OTUD7A: variants seen among roughly 807,000 people sequenced by gnomAD.
OTUD7A encodes the protein OTU deubiquitinase 7A.
Under a neutral mutation model 65.7 loss-of-function variants are expected in OTUD7A, and 12 were observed. The observed-to-expected ratio is 0.18, with a 90% CI of 0.12 to 0.30. OTUD7A has a LOEUF of 0.30. OTUD7A is among the 10% of genes least tolerant of loss of function. The probability of loss-of-function intolerance (pLI) is 1.00; values close to 1 mark genes in which losing one functional copy is unlikely to be tolerated. For synonymous variants in OTUD7A, 641 were observed against 586.3 expected, an observed-to-expected ratio of 1.09 and a Z score of -1.35; for missense variants, 1,148 against 1,304.8, an observed-to-expected ratio of 0.88 and a Z score of 1.85.
chr15:31,583,429 G>C (rs112255602), intron 3 of OTUD7A, among the ~76,000 whole-genome samples: 168 of 152,244 alleles, frequency 1.1e-3, no homozygotes, highest in African/African-American at 3.9e-3. Context: ...ATATGGTTTG[G>C]CTGTGTCCCC....
intron 1 of OTUD7A, among the ~76,000 whole-genome samples, chr15:31,660,800 G>C (rs1892140126): frequency 6.6e-6 from 1 of 152,232 alleles, no homozygotes; most frequent in Non-Finnish European, 1.5e-5. Flanking sequence ...ATTGTTGCAG[G>C]ATCATTTCAC....
chr15:31,485,246 T>G (rs902820898), intron 12 of OTUD7A, among the ~76,000 whole-genome samples: 1 of 152,148 alleles, frequency 6.6e-6, no homozygotes, highest in South Asian at 2.1e-4. Flanking sequence ...CAAAAGTGCC[T>G]CCTCTGAAAA....
At chr15:31,854,623 T>G (rs1313881989) in intron 1 of OTUD7A, among the ~76,000 whole-genome samples, 1 of 152,196 alleles carries the variant, frequency 6.6e-6, no homozygotes, top group Non-Finnish European at 1.5e-5. Flanking sequence ...ATTGTGCCTA[T>G]GCAGACAATC....
At chr15:31,663,341 T>C (rs1407561785) in intron 1 of OTUD7A, among the ~76,000 whole-genome samples, 4 of 151,864 alleles carry the variant, frequency 2.6e-5, no homozygotes, top group Non-Finnish European at 5.9e-5. Flanking sequence ...GTTTGTTACA[T>C]AGGTAAACGT....
At chr15:31,842,387 G>A (rs891746235) in intron 1 of OTUD7A, among the ~76,000 whole-genome samples, 1 of 152,234 alleles carries the variant, frequency 6.6e-6, no homozygotes, top group African/African-American at 2.4e-5. Flanking sequence ...GTGCAGCCAA[G>A]GACTAAGGGA....
chr15:31,674,595 T>G (rs1312141627), intron 1 of OTUD7A, among the ~76,000 whole-genome samples: 2 of 152,248 alleles, frequency 1.3e-5, no homozygotes, highest in East Asian at 3.9e-4. Context: ...AGGGATGAAA[T>G]GCAATTGGTA....
At chr15:31,533,691 A>G (rs545390633) in intron 5 of OTUD7A, among the ~76,000 whole-genome samples, 2 of 152,362 alleles carry the variant, frequency 1.3e-5, no homozygotes, top group Admixed American at 1.3e-4. Flanking sequence ...CAGAAAGGAA[A>G]CGATAAAAGA....
intron 3 of OTUD7A, among the ~76,000 whole-genome samples, chr15:31,620,441 CAG>C (rs900406349): frequency 4.6e-5 from 7 of 151,968 alleles, no homozygotes; most frequent in African/African-American, 1.7e-4. Context: ...GCCTCAATTT[CAG>C]AGACTGTTAT....
At chr15:31,803,178 G>A (rs528428712) in intron 1 of OTUD7A, among the ~76,000 whole-genome samples, 2 of 152,188 alleles carry the variant, frequency 1.3e-5, no homozygotes, top group Admixed American at 6.5e-5. Flanking sequence ...AGTGGCCCAG[G>A]TCACCAGGTC....
At chr15:31,613,613 T>C (rs760906762) in intron 3 of OTUD7A, among the ~76,000 whole-genome samples, 4 of 152,122 alleles carry the variant, frequency 2.6e-5, no homozygotes, top group Non-Finnish European at 4.4e-5. Flanking sequence ...ACCTTACTCC[T>C]GTAAGAATGG....
intron 1 of OTUD7A, chr15:31,766,341 T>G (rs1895093797): frequency 6.3e-7 from 1 of 1,597,320 alleles, no homozygotes; most frequent in South Asian, 1.1e-5. Context: ...AAGCTTTCTA[T>G]GATTTGGTGG....
At chr15:31,782,553 C>T (rs1228253151) in intron 1 of OTUD7A, among the ~76,000 whole-genome samples, 2 of 152,058 alleles carry the variant, frequency 1.3e-5, no homozygotes, top group East Asian at 1.9e-4. Flanking sequence ...ACAGCCACAC[C>T]CAGGGGCACG....
chr15:31,603,206 C>T (rs1890134301), intron 3 of OTUD7A, among the ~76,000 whole-genome samples: 1 of 152,174 alleles, frequency 6.6e-6, no homozygotes, highest in Admixed American at 6.5e-5. Context: ...TACAAGGCTA[C>T]AATAACCAAA....
At chr15:31,607,108 T>C (rs1890259792) in intron 3 of OTUD7A, among the ~76,000 whole-genome samples, 1 of 152,204 alleles carries the variant, frequency 6.6e-6, no homozygotes, top group African/African-American at 2.4e-5. Flanking sequence ...AATGTTAAGC[T>C]GAGAACTAGG....
chr15:31,753,532 T>G (rs1378402227), intron 1 of OTUD7A, among the ~76,000 whole-genome samples: 1 of 151,678 alleles, frequency 6.6e-6, no homozygotes, highest in African/African-American at 2.4e-5. Context: ...CTCCCACTTA[T>G]GCATGATAAC....
rs1194799175 is a variant in OTUD7A at position 31,487,985 on chromosome 15, G to A, written c.1172-419C>T. Among the ~76,000 whole-genome samples, 1 of 152,188 alleles carries A rather than the reference G, an allele frequency of 6.6e-6. No individual in the cohort carries two copies. The highest frequency in any genetic ancestry group is 1.5e-5 in the Non-Finnish European group (1 of 68,036). ...AGGGCCGAATGTGCAAGTCAGGTGA[G>A]CAAGGGTGTTGCTGACCTCTACTGG... On this transcript the variant is annotated intron_variant, in intron 10 of 12. Transcript: ENST00000307050. This position sits in a 1 kb window ranked among gnomAD's most constrained non-coding sequence, Gnocchi z 6.0.
In OTUD7A at chr15:31,487,325, A is replaced by G. The variant is rs767412942; in HGVS notation, c.1287-47T>C. ...ATTGAAATGGTCTGAGCTGGCCCTT[A>G]TAGCACCCAGTCCACTTGCATGCCA... On this transcript the variant is annotated intron_variant, in intron 11 of 12. Transcript: ENST00000307050. The surrounding 1 kb of genome is among the most constrained non-coding windows in gnomAD (Gnocchi z 6.0). The G allele has an allele frequency of 1.4e-5, 23 of 1,602,472 alleles. No homozygotes were observed. The South Asian group carries it at 1.7e-4, about 12-fold the overall frequency.
At chr15:31,616,480 A>G (rs1890590234) in intron 3 of OTUD7A, among the ~76,000 whole-genome samples, 1 of 152,240 alleles carries the variant, frequency 6.6e-6, no homozygotes, top group African/African-American at 2.4e-5. Flanking sequence ...ATTATGACCC[A>G]TGGGCCAATT....
intron 1 of OTUD7A, among the ~76,000 whole-genome samples, chr15:31,826,424 G>A (rs1460937677): frequency 6.6e-6 from 1 of 152,216 alleles, no homozygotes; most frequent in Non-Finnish European, 1.5e-5. Context: ...GAGCAGCTGG[G>A]ACACAGGGCA....
Sources: gnomAD v4.1 joint callset for allele counts (sites outside exome capture counted in the v4.1 genomes callset) on GRCh38, gnomAD v4.1.1 for gene constraint, Gnocchi (gnomAD v3.1) non-coding constraint, MANE v1.5 for transcripts, NCBI Gene and HGNC (gene_info 2026-07-23, HGNC 2026-07-21) for gene names.